Variants in PLCH1 observed in about 807,000 individuals in gnomAD.
The protein encoded by PLCH1 is 1-phosphatidylinositol 4,5-bisphosphate phosphodiesterase eta-1.
Under a neutral mutation model 126.7 loss-of-function variants are expected in PLCH1, and 60 were observed. The observed-to-expected ratio is 0.47, with a 90% CI of 0.38 to 0.59. The LOEUF (loss-of-function observed/expected upper bound fraction) is 0.59, where lower values mean the gene tolerates loss of function less well. PLCH1 is among the 20% of genes least tolerant of loss of function. PLCH1 has a pLI of 0.00. For missense variants in PLCH1, 1,723 were observed against 2,040.0 expected, an observed-to-expected ratio of 0.84 and a Z score of 2.99; for synonymous variants, 719 against 734.9, an observed-to-expected ratio of 0.98 and a Z score of 0.35.
At chr3:155,516,754 A>AT (rs1425622127) in intron 11 of PLCH1, among the ~76,000 whole-genome samples, 1 of 151,896 alleles carries the variant, frequency 6.6e-6, no homozygotes, top group Non-Finnish European at 1.5e-5. Context: ...CTCATTTTGT[A>AT]TTAAAAAAAA....
At chr3:155,504,894 G>T (rs527699864) in intron 12 of PLCH1, among the ~76,000 whole-genome samples, 1 of 152,298 alleles carries the variant, frequency 6.6e-6, no homozygotes, top group South Asian at 2.1e-4. Flanking sequence ...TGAGGTCAAG[G>T]GCTCTCAGCA....
intron 2 of PLCH1, among the ~76,000 whole-genome samples, chr3:155,598,917 G>T (rs1733347713): frequency 6.6e-6 from 1 of 151,884 alleles, no homozygotes; most frequent in African/African-American, 2.4e-5. Flanking sequence ...TTTGGAGATG[G>T]GTCTTTTGAG....
At chr3:155,499,225 TTCTTTTCGATAG>T (rs1248915887) in intron 14 of PLCH1, among the ~76,000 whole-genome samples, 2 of 152,224 alleles carry the variant, frequency 1.3e-5, no homozygotes, top group African/African-American at 4.8e-5. Context: ...TTTGTGAGGT[TTCTTTTCGATAG>T]TTAGATGTTC....
Position 155,486,383 on chromosome 3 carries a change from T to A in PLCH1, c.2620-673A>T, listed in dbSNP as rs558232361. Among the ~76,000 whole-genome samples, 15 of 152,312 alleles carry A rather than the reference T, an allele frequency of 9.8e-5. No homozygotes were observed. In the South Asian group the frequency reaches 1.7e-3, roughly 17 times the overall value. On this transcript the variant is annotated intron_variant, in intron 21 of 22. Coordinates refer to ENST00000460012, the MANE Select transcript of PLCH1 (RefSeq NM_014996.4). ...AACCAATATCCACTACACTGTGATGTGTGGATCCCAACCCGAACACATCTT... is the reference window on the plus strand; with the variant it reads ...AACCAATATCCACTACACTGTGATGAGTGGATCCCAACCCGAACACATCTT...
chr3:155,692,080 A>C (rs933352040), intron 2 of PLCH1, among the ~76,000 whole-genome samples: 8 of 152,130 alleles, frequency 5.3e-5, no homozygotes, highest in Non-Finnish European at 1.0e-4. Context: ...TCATGATATC[A>C]TGTATCAATA....
chr3:155,530,697 G>A (rs1402530255), intron 10 of PLCH1, among the ~76,000 whole-genome samples: 1 of 152,072 alleles, frequency 6.6e-6, no homozygotes, highest in Non-Finnish European at 1.5e-5. Context: ...CTAAACTCCT[G>A]CTAATAATCT....
At chr3:155,684,762 T>G (rs1014996385) in intron 2 of PLCH1, among the ~76,000 whole-genome samples, 2 of 152,116 alleles carry the variant, frequency 1.3e-5, no homozygotes, top group Non-Finnish European at 2.9e-5. Flanking sequence ...CTAAACTAAA[T>G]TACTCTACAG....
intron 1 of PLCH1, among the ~76,000 whole-genome samples, chr3:155,711,172 C>T (rs1747101945): frequency 6.6e-6 from 1 of 151,974 alleles, no homozygotes; most frequent in African/African-American, 2.4e-5. Flanking sequence ...AATAAATAAA[C>T]AGAGCCATGT....
chr3:155,541,760 G>C (rs910231294), intron 10 of PLCH1, among the ~76,000 whole-genome samples: 1 of 152,070 alleles, frequency 6.6e-6, no homozygotes, highest in East Asian at 1.9e-4. Context: ...CATACTTTTG[G>C]AAAAACAGTG....
At chr3:155,503,595 T>C (rs1029341947) in intron 13 of PLCH1, among the ~76,000 whole-genome samples, 2 of 151,352 alleles carry the variant, frequency 1.3e-5, no homozygotes, top group African/African-American at 4.9e-5. Context: ...TGGAGTGCAG[T>C]GGTGCAATCT....
chr3:155,624,727 T>C (rs1291506269), intron 2 of PLCH1, among the ~76,000 whole-genome samples: 3 of 152,070 alleles, frequency 2.0e-5, no homozygotes, highest in Non-Finnish European at 4.4e-5. Context: ...AAACCACCGC[T>C]CAAGGAAATA....
chr3:155,706,425 G>A (rs1445985942), intron 1 of PLCH1, among the ~76,000 whole-genome samples: 9 of 151,818 alleles, frequency 5.9e-5, no homozygotes, highest in South Asian at 4.2e-4. Context: ...TTCCAGACCA[G>A]CCTGACCAAC....
At chr3:155,574,937 C>A (rs1019320655) in intron 6 of PLCH1, among the ~76,000 whole-genome samples, 5 of 152,048 alleles carry the variant, frequency 3.3e-5, no homozygotes, top group African/African-American at 1.2e-4. Flanking sequence ...TCGAGGCCAG[C>A]CTTGCCAACG....
At chr3:155,702,209 C>T (rs1444640833) in intron 2 of PLCH1, among the ~76,000 whole-genome samples, 1 of 152,150 alleles carries the variant, frequency 6.6e-6, no homozygotes. Context: ...TCATTGAGAC[C>T]AGCATGCTCA....
intron 6 of PLCH1, among the ~76,000 whole-genome samples, chr3:155,579,626 A>G (rs891507575): frequency 6.6e-6 from 1 of 152,178 alleles, no homozygotes; most frequent in Non-Finnish European, 1.5e-5. Flanking sequence ...GATAAGAGAA[A>G]CACATTATCA....
At chr3:155,465,536 T>C (rs564765510) in intron 21 of PLCH1, among the ~76,000 whole-genome samples, 1 of 152,076 alleles carries the variant, frequency 6.6e-6, no homozygotes, top group Admixed American at 6.5e-5. Context: ...CGGCTTTAGG[T>C]AAAATTCAGA....
At chr3:155,572,792 C>T (rs1729394032) in intron 6 of PLCH1, among the ~76,000 whole-genome samples, 2 of 152,146 alleles carry the variant, frequency 1.3e-5, no homozygotes, top group Non-Finnish European at 2.9e-5. Context: ...GTGGCACAGT[C>T]ATGGCGCACT....
At chr3:155,624,752 C>A (rs1441527612) in intron 2 of PLCH1, among the ~76,000 whole-genome samples, 1 of 152,272 alleles carries the variant, frequency 6.6e-6, no homozygotes, top group African/African-American at 2.4e-5. Context: ...AGGATACAAA[C>A]AAATGGAAAA....
chr3:155,600,590 G>T (rs552912389), intron 2 of PLCH1, among the ~76,000 whole-genome samples: 1 of 137,758 alleles, frequency 7.3e-6, no homozygotes. Context: ...TTTATGGTAC[G>T]CTTAAGATAG....
Sources: gnomAD v4.1 joint callset for allele counts (sites outside exome capture counted in the v4.1 genomes callset) on GRCh38, gnomAD v4.1.1 for gene constraint, MANE v1.5 for transcripts, NCBI Gene and HGNC (gene_info 2026-07-23, HGNC 2026-07-21) for gene names.